The following SHISA5 variants were observed in gnomAD, a reference collection of about 807,000 sequenced individuals.
The protein encoded by SHISA5 is protein shisa-5.
A neutral mutation model predicts 27.5 loss-of-function variants in SHISA5; 21 were observed. The ratio of observed to expected loss-of-function variants is 0.76; its 90% CI spans 0.54 to 1.10. The LOEUF (loss-of-function observed/expected upper bound fraction) is 1.10. SHISA5 is among the 50% of genes least tolerant of loss of function. SHISA5 has a pLI of 0.00. For synonymous variants in SHISA5, 137 were observed against 142.2 expected (o/e 0.96, Z 0.26); for missense variants, 314 against 336.3 (o/e 0.93, Z 0.52).
At chr3:48,496,393 A>G (rs1241372452) in intron 2 of SHISA5, among the ~76,000 whole-genome samples, 1 of 152,112 alleles carries the variant, frequency 6.6e-6, no homozygotes, top group Non-Finnish European at 1.5e-5. Flanking sequence ...GGAGATCGAG[A>G]CCATCCTGGC....
At position 48,469,000 on chromosome 3, in the gene SHISA5, G is replaced by A. The variant is rs753341240; in HGVS notation, c.*107C>T. The A allele has an allele frequency of 3.9e-5, 61 of 1,577,064 alleles. No homozygotes were observed. Among genetic ancestry groups the A allele is most frequent in the Admixed American group, 1.7e-4 (10 of 59,546 alleles). On this transcript the variant is annotated 3_prime_UTR_variant, in exon 6 of 6. Coordinates refer to ENST00000296444, the MANE Select transcript of SHISA5 (RefSeq NM_016479.6). ...CAGCACACATGGGGCGTAAGGAACC[G>A]TGCCTGGACACACACAGCACACATG...
intron 3 of SHISA5, among the ~76,000 whole-genome samples, chr3:48,478,658 G>A (rs1248581605): frequency 6.6e-6 from 1 of 152,106 alleles, no homozygotes; most frequent in Non-Finnish European, 1.5e-5. Context: ...TCCTGACACA[G>A]TAACCATGAC....
intron 1 of SHISA5, 85 bp from the exon 2 acceptor site, chr3:48,501,378 ACC>A: frequency 7.0e-7 from 1 of 1,432,458 alleles, no homozygotes. Flanking sequence ...CAGCCACCAG[ACC>A]ACACACACAC....
chr3:48,469,867 C>G lies in SHISA5; in HGVS notation c.315-24G>C, dbSNP rs375154038. ...ACCTGCCAAAGAGCTAGACGTGACCCGGGGCACCTCGCCCCTCCCCAGACC... is the reference window on the plus strand; with the variant it reads ...ACCTGCCAAAGAGCTAGACGTGACCGGGGGCACCTCGCCCCTCCCCAGACC... On this transcript the variant is annotated intron_variant, in intron 3 of 5. Coordinates refer to ENST00000296444, the MANE Select transcript of SHISA5 (RefSeq NM_016479.6). This position sits in a 1 kb window ranked among gnomAD's most constrained non-coding sequence, Gnocchi z 4.6. 7 of 1,601,524 alleles carry G rather than the reference C, an allele frequency of 4.4e-6. No individual in the cohort carries two copies. The highest frequency in any genetic ancestry group is 6.0e-6 in the Non-Finnish European group (7 of 1,173,982).
chr3:48,478,174 C>A (rs1188712736), intron 3 of SHISA5, among the ~76,000 whole-genome samples: 1 of 152,202 alleles, frequency 6.6e-6, no homozygotes, highest in South Asian at 2.1e-4. Context: ...CTCCTGGGCT[C>A]CTGGACGTGG....
In SHISA5 at chr3:48,469,132, A is replaced by C; in HGVS notation, c.698T>G (p.Met233Arg). ...TCAGAGGGCCGCCTTCGGGGCATCC[A>C]TGTAGGCCGGGTTGTAAGGAGGCTG... ...ASQPPYNPAY[M>R]DAPKAAL The change falls in exon 6 of 6, where the codon ATG becomes AGG. Residue 233 changes from methionine (M) to arginine (R), a missense_variant. Physicochemically the swap from Met to Arg is moderately conservative, Grantham distance 91 (BLOSUM62 -1). Coordinates refer to ENST00000296444, the MANE Select transcript of SHISA5 (RefSeq NM_016479.6). The surrounding 1 kb of genome is among the most constrained non-coding windows in gnomAD (Gnocchi z 4.6). 2 of 1,613,108 alleles carry C rather than the reference A, an allele frequency of 1.2e-6. No homozygotes were observed. Among genetic ancestry groups the C allele is most frequent in the Non-Finnish European group, 1.7e-6 (2 of 1,179,994 alleles).
Position 48,468,728 on chromosome 3 carries a change from C to A in SHISA5, c.*379G>T. On this transcript the variant is annotated 3_prime_UTR_variant, in exon 6 of 6. Transcript: ENST00000296444. The stretch of plus-strand genomic sequence containing the variant: ...AGCTGCGCCACCCTGGTGTGACAGG[C>A]CCTACTTGGTCACCCTAGGGTAAGC... 1 of 1,323,038 alleles carries A rather than the reference C, an allele frequency of 7.6e-7. No individual in the cohort carries two copies. The allele number at this position is 1,323,038 out of a possible 1,614,324, so 82.0% of individuals were successfully genotyped here. A position where few individuals can be genotyped will look rare whatever the true frequency, so the allele number is the denominator to read the frequency against.
chr3:48,476,314 C>A (rs1187542193), intron 3 of SHISA5, among the ~76,000 whole-genome samples: 1 of 148,330 alleles, frequency 6.7e-6, no homozygotes. Context: ...GCACTCCAGC[C>A]TGGGCAACAG....
In SHISA5 at chr3:48,503,278, G is replaced by C. The variant is rs146529988; in HGVS notation, c.76+741C>G. On this transcript the variant is annotated intron_variant, in intron 1 of 5. Coordinates refer to ENST00000296444, the MANE Select transcript of SHISA5 (RefSeq NM_016479.6). ...CCCAGACCTCACTGAATCAGTGACC[G>C]ACCCTCCTACAGGCTCACTCCAGGA... 140 of 832,582 alleles carry C rather than the reference G, an allele frequency of 1.7e-4. No homozygotes were observed. In the East Asian group the frequency reaches 6.5e-3, roughly 39 times the overall value. 51.6% of individuals were successfully genotyped at this position (832,582 alleles called of 1,614,324 possible).
At chr3:48,499,274 A>G (rs373718520) in intron 2 of SHISA5, among the ~76,000 whole-genome samples, 161 of 152,268 alleles carry the variant, frequency 1.1e-3, no homozygotes, top group African/African-American at 3.8e-3. Flanking sequence ...TGCTAGGTTC[A>G]AGTGATCCTC....
intron 2 of SHISA5, among the ~76,000 whole-genome samples, chr3:48,496,904 G>T (rs1229908981): frequency 6.6e-6 from 1 of 151,958 alleles, no homozygotes; most frequent in Non-Finnish European, 1.5e-5. Context: ...CCATGTTAAT[G>T]CATTGGAAAA....
rs766753840 is a variant in SHISA5, at chr3:48,468,708, C to T, written c.*399G>A. 3.9e-5 allele frequency: 50 copies of T among 1,280,380 alleles called. No individual in the cohort carries two copies. The highest frequency in any genetic ancestry group is 3.9e-4 in the South Asian group (29 of 74,974). The allele number at this position is 1,280,380 out of a possible 1,614,324, so 79.3% of individuals were successfully genotyped here. A position where few individuals can be genotyped will look rare whatever the true frequency, so the allele number is the denominator to read the frequency against. ...CACATCTGCATCACACAGAAAGCTG[C>T]GCCACCCTGGTGTGACAGGCCCTAC... On this transcript the variant is annotated 3_prime_UTR_variant, in exon 6 of 6. Transcript: ENST00000296444.
At chr3:48,503,613 G>A in intron 1 of SHISA5, 1 of 767,018 alleles carries the variant, frequency 1.3e-6, no homozygotes, top group Non-Finnish European at 1.6e-6. Flanking sequence ...GGAGGCAGCG[G>A]TGGGGGCTCC....
intron 3 of SHISA5, chr3:48,472,983 C>CT: frequency 1.3e-6 from 2 of 1,533,398 alleles, no homozygotes; most frequent in Non-Finnish European, 1.7e-6. Flanking sequence ...CTCTCAAACA[C>CT]ACACGCAGCA....
At chr3:48,503,172 A>G in intron 1 of SHISA5, 4 of 1,289,736 alleles carry the variant, frequency 3.1e-6, no homozygotes, top group Non-Finnish European at 4.0e-6. Context: ...TTCACAGCCC[A>G]ATCTGAGCCT....
chr3:48,486,484 CAT>C (rs1252636786), intron 2 of SHISA5, among the ~76,000 whole-genome samples: 2 of 96,666 alleles, frequency 2.1e-5, no homozygotes, highest in African/African-American at 8.6e-5. Flanking sequence ...ATATATATTA[CAT>C]ATTATATATA....
chr3:48,469,390 C>T lies in SHISA5; in HGVS notation c.614G>A (p.Gly205Asp), dbSNP rs146000702. ...CAGGGTCTCGTGGTAGGCCGGTGGG[C>T]CCATGGGCTGGGCTGGGTAAGGTGG... Reference protein sequence around the residue: ...YPPPYPAQPMGPPAYHETLAG... With the variant: ...YPPPYPAQPMDPPAYHETLAG... The change falls in exon 5 of 6, where the codon GGC becomes GAC. Residue 205 changes from glycine to aspartate, a missense_variant. By Grantham distance (94) the Gly-to-Asp change is moderately conservative. Transcript: ENST00000296444. This position sits in a 1 kb window ranked among gnomAD's most constrained non-coding sequence, Gnocchi z 4.6. 6.3e-7 allele frequency: 1 copy of T among 1,599,852 alleles called. No homozygotes were observed. Among genetic ancestry groups the T allele is most frequent in the Non-Finnish European group, 8.5e-7 (1 of 1,171,142 alleles).
intron 3 of SHISA5, among the ~76,000 whole-genome samples, chr3:48,475,823 G>C (rs1266792862): frequency 6.6e-6 from 1 of 152,216 alleles, no homozygotes; most frequent in Non-Finnish European, 1.5e-5. Flanking sequence ...AGACTATCTG[G>C]GGAGTGAATA....
chr3:48,497,596 A>T (rs867376975), intron 2 of SHISA5, among the ~76,000 whole-genome samples: 25 of 150,886 alleles, frequency 1.7e-4, no homozygotes, highest in African/African-American at 4.9e-4. Flanking sequence ...TCGGAGGGTT[A>T]AAAAAAAAGA....
Sources: gnomAD v4.1 joint callset for allele counts (sites outside exome capture counted in the v4.1 genomes callset) on GRCh38, gnomAD v4.1.1 for gene constraint, Gnocchi (gnomAD v3.1) non-coding constraint, MANE v1.5 for transcripts, NCBI Gene and HGNC (gene_info 2026-07-23, HGNC 2026-07-21) for gene names.